Variants in LRRC4C observed in about 807,000 individuals in gnomAD.
LRRC4C encodes leucine-rich repeat-containing protein 4C.
A neutral mutation model predicts 33.6 loss-of-function variants in LRRC4C; 5 were observed. The observed-to-expected ratio is 0.15, with a 90% CI of 0.08 to 0.31. The LOEUF (loss-of-function observed/expected upper bound fraction) is 0.31. Ranked by LOEUF, LRRC4C falls within the 10% of genes least tolerant of loss-of-function variation. The probability of loss-of-function intolerance (pLI) is 1.00; values close to 1 mark genes in which losing one functional copy is unlikely to be tolerated. For missense variants in LRRC4C, 560 were observed against 796.7 expected, an observed-to-expected ratio of 0.70 and a Z score of 3.58; for synonymous variants, 329 against 302.0, an observed-to-expected ratio of 1.09 and a Z score of -0.93.
chr11:40,965,782 T>G (rs1421197175), intron 1 of LRRC4C, among the ~76,000 whole-genome samples: 1 of 152,184 alleles, frequency 6.6e-6, no homozygotes, highest in South Asian at 2.1e-4. Context: ...CCTTGGAGTA[T>G]AGTTTGAAGT....
At chr11:40,502,027 T>C (rs1954799618) in intron 3 of LRRC4C, among the ~76,000 whole-genome samples, 1 of 152,180 alleles carries the variant, frequency 6.6e-6, no homozygotes, top group African/African-American at 2.4e-5. Flanking sequence ...TCTCTCAAGT[T>C]CAAAGTTTCA....
At chr11:40,167,935 C>G (rs982779676) in intron 5 of LRRC4C, among the ~76,000 whole-genome samples, 1 of 151,830 alleles carries the variant, frequency 6.6e-6, no homozygotes, top group Non-Finnish European at 1.5e-5. Context: ...TCCCAGCTAC[C>G]GGGGAGGCTG....
chr11:41,174,394 A>C (rs1044674819), intron 1 of LRRC4C, among the ~76,000 whole-genome samples: 1 of 152,142 alleles, frequency 6.6e-6, no homozygotes, highest in African/African-American at 2.4e-5. Context: ...GATCTTAAAA[A>C]TAATGTATTA....
intron 2 of LRRC4C, among the ~76,000 whole-genome samples, chr11:40,799,194 T>A (rs1203966720): frequency 6.6e-6 from 1 of 152,166 alleles, no homozygotes; most frequent in Non-Finnish European, 1.5e-5. Context: ...AATAGGTTTT[T>A]TAAATTATGC....
intron 4 of LRRC4C, among the ~76,000 whole-genome samples, chr11:40,244,298 A>C (rs1215160220): frequency 6.6e-6 from 1 of 151,776 alleles, no homozygotes; most frequent in Non-Finnish European, 1.5e-5. Context: ...TCAGCCCCCC[A>C]TCTGAGCTCT....
chr11:41,063,721 G>A (rs1937976713), intron 1 of LRRC4C, among the ~76,000 whole-genome samples: 1 of 152,200 alleles, frequency 6.6e-6, no homozygotes, highest in Non-Finnish European at 1.5e-5. Context: ...GAGTCAGCAA[G>A]AAAGCAGCTT....
At chr11:40,351,909 C>A (rs1043963318) in intron 3 of LRRC4C, among the ~76,000 whole-genome samples, 6 of 151,820 alleles carry the variant, frequency 4.0e-5, no homozygotes, top group Non-Finnish European at 8.8e-5. Context: ...CCTATGTGTG[C>A]CTTTATAGAT....
chr11:40,799,654 G>C (rs906298956), intron 2 of LRRC4C, among the ~76,000 whole-genome samples: 6 of 152,146 alleles, frequency 3.9e-5, no homozygotes, highest in Non-Finnish European at 8.8e-5. Flanking sequence ...ATTTTTAGTA[G>C]AGAAGGGGTT....
In LRRC4C at chr11:40,941,803, A is replaced by AT. The variant is rs1300713371; in HGVS notation, c.-495-8081dup. Among the ~76,000 whole-genome samples, 9 of 152,266 alleles carry AT rather than the reference A, an allele frequency of 5.9e-5. No homozygotes were observed. In the East Asian group the frequency reaches 1.3e-3, roughly 23 times the overall value. ...CTAAAAATAAATGAAGTAAGGCAAT[A>AT]TTTTTTCTGATTTTACAGGGTTTAT... On this transcript the variant is annotated intron_variant, in intron 1 of 6. Coordinates refer to ENST00000528697, the MANE Select transcript of LRRC4C (RefSeq NM_001258419.2).
chr11:40,382,808 C>A (rs1380693688), intron 3 of LRRC4C, among the ~76,000 whole-genome samples: 2 of 150,506 alleles, frequency 1.3e-5, no homozygotes, highest in Admixed American at 1.3e-4. Context: ...ATTCTCCTGC[C>A]TCAGCCTCCC....
chr11:41,262,552 G>A (rs140472372), intron 1 of LRRC4C, among the ~76,000 whole-genome samples: 12 of 151,970 alleles, frequency 7.9e-5, no homozygotes, highest in African/African-American at 2.2e-4. Flanking sequence ...ATCCTCTAAC[G>A]TATTATCAGT....
intron 1 of LRRC4C, among the ~76,000 whole-genome samples, chr11:41,328,041 C>T (rs1686188435): frequency 1.3e-5 from 2 of 152,160 alleles, no homozygotes; most frequent in African/African-American, 4.8e-5. Context: ...CATGTCCTGG[C>T]CTCTCACAGG....
At chr11:40,952,505 C>A (rs1958741075) in intron 1 of LRRC4C, among the ~76,000 whole-genome samples, 1 of 151,680 alleles carries the variant, frequency 6.6e-6, no homozygotes, top group African/African-American at 2.4e-5. Flanking sequence ...TTTACTTTTT[C>A]TAGAATTAAG....
At chr11:41,008,857 T>C (rs1854955361) in intron 1 of LRRC4C, among the ~76,000 whole-genome samples, 1 of 152,120 alleles carries the variant, frequency 6.6e-6, no homozygotes, top group African/African-American at 2.4e-5. Context: ...AACTCCTTTA[T>C]GGCTCCCCCA....
intron 3 of LRRC4C, among the ~76,000 whole-genome samples, chr11:40,601,987 G>T (rs1031884181): frequency 4.0e-5 from 6 of 151,590 alleles, no homozygotes; most frequent in Admixed American, 3.9e-4. Flanking sequence ...TCAGGAGATT[G>T]AGACCATCCT....
chr11:41,304,401 G>T (rs1950402772), intron 1 of LRRC4C, among the ~76,000 whole-genome samples: 1 of 87,606 alleles, frequency 1.1e-5, no homozygotes, highest in African/African-American at 4.3e-5. Flanking sequence ...GGAGGTGGGG[G>T]GGTCAGCCCT....
At position 40,585,935 on chromosome 11, in the gene LRRC4C, G is replaced by A. The variant is rs1413125604; in HGVS notation, c.-270+62207C>T. 2.0e-4 allele frequency among the ~76,000 whole-genome samples: 27 copies of A among 137,138 alleles called. 2 individuals carry two copies. The South Asian group carries it at 4.9e-3, about 25-fold the overall frequency. The allele number at this position is 137,138 out of a possible 152,430, so 90.0% of individuals were successfully genotyped here. ...GTGAATAATGCCGCAATAAACATAC[G>A]TGTGCATGTGTCTTTATAGCAGCAT... is the stretch of plus-strand genomic sequence containing the variant. On this transcript the variant is annotated intron_variant, in intron 3 of 6. Coordinates refer to ENST00000528697, the MANE Select transcript of LRRC4C (RefSeq NM_001258419.2).
intron 6 of LRRC4C, among the ~76,000 whole-genome samples, chr11:40,122,764 C>G (rs12290102): frequency 0.11 from 15,565 of 141,670 alleles, 981 homozygotes; most frequent in East Asian, 0.19. Context: ...ACCCTCCCCC[C>G]ACCCAACAAA....
chr11:40,934,778 C>A (rs551001486), intron 1 of LRRC4C, among the ~76,000 whole-genome samples: 45 of 152,232 alleles, frequency 3.0e-4, no homozygotes, highest in African/African-American at 1.1e-3. Flanking sequence ...ACTATTTACA[C>A]ACCTGGAATT....
Sources: allele counts gnomAD v4.1 joint callset (sites outside exome capture counted in the v4.1 genomes callset), GRCh38; gene constraint gnomAD v4.1.1; transcripts MANE v1.5; gene names NCBI Gene and HGNC (gene_info 2026-07-23, HGNC 2026-07-21).